BCL9: variants seen among roughly 807,000 people sequenced by gnomAD.
The protein encoded by BCL9 is B-cell CLL/lymphoma 9 protein.
A neutral mutation model predicts 88.5 loss-of-function variants in BCL9; 25 were observed. The observed-to-expected ratio is 0.28, with a 90% CI of 0.21 to 0.39. The LOEUF is 0.39. Ranked by LOEUF, BCL9 falls within the 10% of genes least tolerant of loss-of-function variation. BCL9 has a pLI of 1.00. For synonymous variants in BCL9, 711 were observed against 673.3 expected, an observed-to-expected ratio of 1.06 and a Z score of -0.87; for missense variants, 1,817 against 1,877.8, an observed-to-expected ratio of 0.97 and a Z score of 0.60.
intron 1 of BCL9, among the ~76,000 whole-genome samples, chr1:147,599,045 G>A (rs1243414260): frequency 2.0e-5 from 3 of 152,180 alleles, no homozygotes; most frequent in African/African-American, 7.2e-5. Flanking sequence ...GAGGTCTTCC[G>A]AAAAATTAGG....
intron 1 of BCL9, among the ~76,000 whole-genome samples, chr1:147,578,228 T>C (rs587757730): frequency 1.3e-5 from 2 of 152,294 alleles, no homozygotes; most frequent in African/African-American, 4.8e-5. Context: ...AACCATGTGA[T>C]ACTCATCTTA....
chr1:147,614,919 A>G (rs1050191973), intron 6 of BCL9, among the ~76,000 whole-genome samples: 4 of 150,864 alleles, frequency 2.7e-5, no homozygotes, highest in Admixed American at 6.6e-5. Flanking sequence ...GCCCACTGCA[A>G]CCTCCACCTC....
intron 1 of BCL9, among the ~76,000 whole-genome samples, chr1:147,563,154 T>C (rs1410453931): frequency 6.6e-6 from 1 of 152,210 alleles, no homozygotes; most frequent in Non-Finnish European, 1.5e-5. Context: ...TCCTAACCAA[T>C]CAATTCTCTT....
chr1:147,581,807 G>T (rs587744314), intron 1 of BCL9, among the ~76,000 whole-genome samples: 2 of 152,194 alleles, frequency 1.3e-5, no homozygotes, highest in East Asian at 3.9e-4. Context: ...GTTTTTCATT[G>T]CAGATATTTG....
At chr1:147,572,364 A>G (rs1373945691) in intron 1 of BCL9, among the ~76,000 whole-genome samples, 1 of 152,256 alleles carries the variant, frequency 6.6e-6, no homozygotes, top group Non-Finnish European at 1.5e-5. Context: ...AAGTCCAGGC[A>G]TGGAGCAGGC....
intron 1 of BCL9, among the ~76,000 whole-genome samples, chr1:147,558,416 G>T (rs781981685): frequency 2.1e-4 from 32 of 152,160 alleles, no homozygotes; most frequent in Non-Finnish European, 4.7e-4. Flanking sequence ...AACTCTGGAT[G>T]ACTCTGGAGT....
At chr1:147,607,056 T>C (rs1263907727) in intron 3 of BCL9, among the ~76,000 whole-genome samples, 190 bp downstream of exon 3, 2 of 152,230 alleles carry the variant, frequency 1.3e-5, no homozygotes, top group Non-Finnish European at 2.9e-5. Context: ...CCAACTTTTT[T>C]AGATTCCACG....
At chr1:147,586,496 C>A (rs1242731115) in intron 1 of BCL9, among the ~76,000 whole-genome samples, 4 of 152,198 alleles carry the variant, frequency 2.6e-5, no homozygotes, top group Non-Finnish European at 5.9e-5. Context: ...AGGTCACCTT[C>A]CTTTTTGGCC....
chr1:147,553,923 T>A (rs17160424), intron 1 of BCL9, among the ~76,000 whole-genome samples: 1,776 of 152,306 alleles, frequency 0.012, 21 homozygotes, highest in East Asian at 0.056. Context: ...TGCAAACTAA[T>A]GTACACTGGA....
At chr1:147,556,346 G>A (rs1162324657) in intron 1 of BCL9, among the ~76,000 whole-genome samples, 4 of 150,860 alleles carry the variant, frequency 2.7e-5, no homozygotes, top group African/African-American at 4.9e-5. Flanking sequence ...GGCTGGTCTC[G>A]AGCTCCTGAC....
chr1:147,619,075 C>T lies in BCL9; in HGVS notation c.920C>T (p.Ser307Leu), dbSNP rs782293716. Residue 307 changes from serine to leucine, a missense_variant, in exon 8 of 10, where the codon TCA becomes TTA. Around this residue, in one of 2 missense-constraint regions of BCL9, gnomAD observed 1,228 missense variants for 1,191.6 expected, o/e 1.03. Transcript: ENST00000234739. The surrounding 1 kb of genome is among the most constrained non-coding windows in gnomAD (Gnocchi z 4.1). ...CCCCCAGATGGTACTGGGCCCAACTCAACTCCCAACAATAGGGCAGTGACC... is the reference window on the plus strand; with the variant it reads ...CCCCCAGATGGTACTGGGCCCAACTTAACTCCCAACAATAGGGCAGTGACC... ...PLPPDGTGPN[S>L]TPNNRAVTPV... The T allele has an allele frequency of 2.5e-6, 4 of 1,613,532 alleles. No homozygotes were observed. The Admixed American group carries it at 6.7e-5, about 27-fold the overall frequency.
intron 1 of BCL9, among the ~76,000 whole-genome samples, chr1:147,595,822 C>T (rs1302812295): frequency 4.6e-5 from 7 of 152,106 alleles, no homozygotes; most frequent in Non-Finnish European, 7.4e-5. Context: ...ATGTGGAACA[C>T]GTAGATTGTC....
chr1:147,620,678 G>T lies in BCL9; in HGVS notation c.2523G>T (p.Leu841=). 6.2e-7 allele frequency: 1 copy of T among 1,614,216 alleles called. No homozygotes were observed. Among genetic ancestry groups the T allele is most frequent in the Non-Finnish European group, 8.5e-7 (1 of 1,180,052 alleles). The change falls in exon 8 of 10, where the codon CTG becomes CTT. Residue 841 remains leucine (L), a synonymous_variant. Transcript: ENST00000234739. ...CAGCTCCTCCAGTTCAGCGCGGCCT[G>T]GGGCGGAAGCCCTTGGATATATCTG... ...LNTAPPVQRG[L]GRKPLDISVA...
chr1:147,611,822 T>C lies in BCL9; in HGVS notation c.-15T>C, dbSNP rs1658017654. 1 of 1,613,742 alleles carries C rather than the reference T, an allele frequency of 6.2e-7. No homozygotes were observed. Among genetic ancestry groups the C allele is most frequent in the Admixed American group, 1.7e-5 (1 of 60,006 alleles). On this transcript the variant is annotated 5_prime_UTR_variant, in exon 4 of 10. Transcript: ENST00000234739. ...GCCTGTCCCGTTTGTGACTGCAAGC[T>C]CAGGATTTCAATCAATGCATTCCAG...
At chr1:147,618,594 A>G (rs978431486) in intron 7 of BCL9, among the ~76,000 whole-genome samples, 14 of 151,548 alleles carry the variant, frequency 9.2e-5, no homozygotes, top group African/African-American at 3.4e-4. Flanking sequence ...TTGAAACCTA[A>G]TCTTCAGCAA....
intron 1 of BCL9, among the ~76,000 whole-genome samples, chr1:147,562,018 G>C (rs781798689): frequency 6.6e-6 from 1 of 152,196 alleles, no homozygotes; most frequent in Non-Finnish European, 1.5e-5. Flanking sequence ...GGAGAGGATA[G>C]AGAAGAGCAG....
chr1:147,562,818 A>G (rs1655437343), intron 1 of BCL9, among the ~76,000 whole-genome samples: 2 of 152,142 alleles, frequency 1.3e-5, no homozygotes, highest in Admixed American at 1.3e-4. Context: ...GGCAAATCAA[A>G]TCTCATTGCT....
At chr1:147,584,481 T>A (rs10793692) in intron 1 of BCL9, among the ~76,000 whole-genome samples, 55,064 of 151,982 alleles carry the variant, frequency 0.36, 15,327 homozygotes, top group African/African-American at 0.77. Context: ...ACAGTAGAAT[T>A]ATTATTCCAA....
rs886948665 is a variant in BCL9, at chr1:147,611,980, T to A, written c.53+91T>A. On this transcript the variant is annotated intron_variant, in intron 4 of 9. Coordinates refer to ENST00000234739, the MANE Select transcript of BCL9 (RefSeq NM_004326.4). ...TCATTGGTGAAACAGTATGTTGAAT[T>A]AGAAATAAATGAAACCCAAATGGGA... 6 of 1,353,134 alleles carry A rather than the reference T, an allele frequency of 4.4e-6. No homozygotes were observed. In the East Asian group the frequency reaches 1.4e-4, roughly 31 times the overall value. 83.8% of individuals were successfully genotyped at this position (1,353,134 alleles called of 1,614,324 possible).
Sources: allele counts gnomAD v4.1 joint callset (sites outside exome capture counted in the v4.1 genomes callset), GRCh38; gene constraint gnomAD v4.1.1; regional missense constraint gnomAD v4.1.1; non-coding constraint Gnocchi (gnomAD v3.1); transcripts MANE v1.5; gene names NCBI Gene and HGNC (gene_info 2026-07-23, HGNC 2026-07-21).